Variants in ABCC6 observed in about 807,000 individuals in gnomAD.
The protein encoded by ABCC6 is ATP-binding cassette sub-family C member 6.
In ABCC6, 126 loss-of-function variants were observed where a neutral mutation model predicts 169.5. That is an observed-to-expected ratio of 0.74 (90% CI 0.64 to 0.86). ABCC6 has a LOEUF of 0.86. Among genes scored for constraint, ABCC6 ranks in the 40% least tolerant of loss-of-function variants. The probability of loss-of-function intolerance (pLI) is 0.00; values close to 1 mark genes in which losing one functional copy is unlikely to be tolerated. For missense variants in ABCC6, 1,733 were observed against 1,927.2 expected, an observed-to-expected ratio of 0.90 and a Z score of 1.89; for synonymous variants, 752 against 814.7, an observed-to-expected ratio of 0.92 and a Z score of 1.31.
intron 29 of ABCC6, among the ~76,000 whole-genome samples, chr16:16,151,463 A>G (rs1215699714): frequency 6.6e-6 from 1 of 152,222 alleles, no homozygotes; most frequent in African/African-American, 2.4e-5. Context: ...CACTTCAGTC[A>G]TGCCGTTGCA....
rs73524021 is a variant in ABCC6 at position 16,178,451 on chromosome 16, C to T, written c.2415+347G>A. Among the ~76,000 whole-genome samples, 1,240 of 152,150 alleles carry T rather than the reference C, an allele frequency of 8.1e-3. 14 individuals are homozygous for T. The highest frequency in any genetic ancestry group is 0.026 in the African/African-American group (1,085 of 41,510). On this transcript the variant is annotated intron_variant, in intron 18 of 30. Transcript: ENST00000205557. ...ACAGCTCCCCTTCTTGTGCTCCTGCCGCCTTTCTTGTAAACAGCATATCCA... is the reference window on the plus strand; with the variant it reads ...ACAGCTCCCCTTCTTGTGCTCCTGCTGCCTTTCTTGTAAACAGCATATCCA...
In ABCC6 at chr16:16,221,386, G is replaced by A. The variant is rs921797775; in HGVS notation, c.219+263C>T. ...ATGTTTTGGAAAATGCCAGGTTATG[G>A]TAGCTATAAACTGTCCAGGAACATG... On this transcript the variant is annotated intron_variant, in intron 2 of 30. Coordinates refer to ENST00000205557, the MANE Select transcript of ABCC6 (RefSeq NM_001171.6). 3 of 1,410,164 alleles carry A rather than the reference G, an allele frequency of 2.1e-6. No homozygotes were observed. The African/African-American group carries it at 4.3e-5, about 20-fold the overall frequency. 87.4% of individuals were successfully genotyped at this position (1,410,164 alleles called of 1,614,324 possible).
rs574852218 is a variant in ABCC6, at chr16:16,176,079, AT to A, written c.2591-94del. ...GTGGCCTTAACCGCTCTGACCATCCATTTCCCCTGATCTGGCTCCTGCCACG... is the reference window on the plus strand; with the variant it reads ...GTGGCCTTAACCGCTCTGACCATCCATTCCCCTGATCTGGCTCCTGCCACG... On this transcript the variant is annotated intron_variant, in intron 19 of 30. Transcript: ENST00000205557. 1.6e-4 allele frequency: 195 copies of A among 1,256,000 alleles called. No homozygotes were observed. The African/African-American group carries it at 2.4e-3, about 16-fold the overall frequency. The allele number at this position is 1,256,000 out of a possible 1,614,324, so 77.8% of individuals were successfully genotyped here.
At position 16,196,685 on chromosome 16, in the gene ABCC6, A is replaced by T. The variant is rs991645876; in HGVS notation, c.1338+1336T>A. On this transcript the variant is annotated intron_variant, in intron 10 of 30. Coordinates refer to ENST00000205557, the MANE Select transcript of ABCC6 (RefSeq NM_001171.6). ...TGAGCCTAGGCAGTTCCCGATACAG[A>T]GTCTAATTTTATTTTTACTTTTATT... Among the ~76,000 whole-genome samples, 26 of 152,070 alleles carry T rather than the reference A, an allele frequency of 1.7e-4. 1 individual carries two copies. Among genetic ancestry groups the T allele is most frequent in the African/African-American group, 6.0e-4 (25 of 41,430 alleles).
Position 16,190,215 on chromosome 16 carries a change from G to A in ABCC6, c.1584C>T (p.Ser528=), listed in dbSNP as rs775706145. 38 of 1,613,928 alleles carry A rather than the reference G, an allele frequency of 2.4e-5. No homozygotes were observed. Among genetic ancestry groups the A allele is most frequent in the East Asian group, 4.5e-5 (2 of 44,892 alleles). The part of the protein sequence containing the change: ...RGQELGALRT[S]GLLFSVSLVS... ...CCAGCGACACAGAGAAGAGGAGGCC[G>A]GAGGTCCGCAAGGCGCCCAGCTCCT... The change falls in exon 12 of 31, where the codon TCC becomes TCT. Residue 528 remains serine (S), a synonymous_variant. Transcript: ENST00000205557.
At chr16:16,192,623 GC>G (rs1473667113) in intron 11 of ABCC6, among the ~76,000 whole-genome samples, 1 of 152,138 alleles carries the variant, frequency 6.6e-6, no homozygotes, top group Non-Finnish European at 1.5e-5. Flanking sequence ...AGGGCCTGTG[GC>G]CTGAACATTG....
At chr16:16,194,659 G>A (rs889214977) in intron 10 of ABCC6, among the ~76,000 whole-genome samples, 3 of 152,110 alleles carry the variant, frequency 2.0e-5, no homozygotes, top group Admixed American at 6.6e-5. Context: ...TCCCGTCTCA[G>A]TCCTTAGGAA....
chr16:16,159,185 A>G (rs931734730), intron 26 of ABCC6, among the ~76,000 whole-genome samples: 1 of 152,070 alleles, frequency 6.6e-6, no homozygotes, highest in Non-Finnish European at 1.5e-5. Context: ...TGTTACTATC[A>G]TGTTGCAGCT....
At chr16:16,196,473 G>A (rs4780597) in intron 10 of ABCC6, among the ~76,000 whole-genome samples, 25,440 of 152,176 alleles carry the variant, frequency 0.17, 2,309 homozygotes, top group Middle Eastern at 0.23. Context: ...CCTACAGGGT[G>A]CAGTTGTGTG....
chr16:16,192,146 T>TC (rs1166286996), intron 11 of ABCC6, among the ~76,000 whole-genome samples: 1 of 152,052 alleles, frequency 6.6e-6, no homozygotes, highest in Non-Finnish European at 1.5e-5. Flanking sequence ...CAGAGGATCT[T>TC]CGGGAGTGAG....
At chr16:16,187,277 T>C in intron 13 of ABCC6, 66 bp from the exon 14 acceptor site, 1 of 1,315,458 alleles carries the variant, frequency 7.6e-7, no homozygotes, top group Non-Finnish European at 1.1e-6. Flanking sequence ...TGGGTGTCGG[T>C]GTCTCAAGAT....
At chr16:16,171,563 C>T (rs1009447270) in intron 21 of ABCC6, among the ~76,000 whole-genome samples, 6 of 151,810 alleles carry the variant, frequency 4.0e-5, no homozygotes, top group Admixed American at 6.6e-5. Context: ...AATAAATGAG[C>T]GGGTGGGTAG....
intron 22 of ABCC6, among the ~76,000 whole-genome samples, chr16:16,166,198 C>T (rs143636770): frequency 6.6e-5 from 10 of 152,186 alleles, no homozygotes; most frequent in East Asian, 1.9e-4. Flanking sequence ...CACAGGTGTA[C>T]GCCACCATGC....
At chr16:16,209,707 G>A (rs761328724) in intron 6 of ABCC6, among the ~76,000 whole-genome samples, 9 of 151,868 alleles carry the variant, frequency 5.9e-5, no homozygotes, top group Non-Finnish European at 1.2e-4. Context: ...TGGCTCAAGC[G>A]ATTCTCACGC....
intron 27 of ABCC6, among the ~76,000 whole-genome samples, chr16:16,156,401 C>G (rs1436890242): frequency 6.6e-6 from 1 of 152,180 alleles, no homozygotes; most frequent in Non-Finnish European, 1.5e-5. Context: ...GTAAACCACA[C>G]CAAGTGGGTT....
At chr16:16,189,767 C>T (rs1436654183) in intron 12 of ABCC6, among the ~76,000 whole-genome samples, 1 of 152,040 alleles carries the variant, frequency 6.6e-6, no homozygotes. Flanking sequence ...GTTCTGACAG[C>T]AATATGAAAT....
intron 11 of ABCC6, among the ~76,000 whole-genome samples, chr16:16,190,740 C>T (rs1036520029): frequency 1.3e-5 from 2 of 150,938 alleles, no homozygotes; most frequent in African/African-American, 4.9e-5. Flanking sequence ...CACTATGTTG[C>T]CCAGGTTGGC....
At chr16:16,178,018 G>C (rs1379533710) in intron 18 of ABCC6, among the ~76,000 whole-genome samples, 2 of 147,450 alleles carry the variant, frequency 1.4e-5, no homozygotes, top group Non-Finnish European at 3.0e-5. Flanking sequence ...GAGAGAGAGA[G>C]AGAAAGAAAG....
intron 27 of ABCC6, among the ~76,000 whole-genome samples, chr16:16,156,664 A>G (rs969114821): frequency 1.3e-5 from 2 of 152,018 alleles, no homozygotes; most frequent in African/African-American, 4.8e-5. Flanking sequence ...AGGTCACAGG[A>G]TGGCTGGGCA....
Sources: gnomAD v4.1 joint callset for allele counts (sites outside exome capture counted in the v4.1 genomes callset) on GRCh38, gnomAD v4.1.1 for gene constraint, MANE v1.5 for transcripts, NCBI Gene and HGNC (gene_info 2026-07-23, HGNC 2026-07-21) for gene names.